The following TRIM67 variants were observed in gnomAD, a reference collection of about 807,000 sequenced individuals.
TRIM67 encodes tripartite motif containing 67.
A neutral mutation model predicts 71.0 loss-of-function variants in TRIM67; 39 were observed. The observed-to-expected ratio is 0.55, with a 90% confidence interval of 0.43 to 0.72. The LOEUF is 0.72. TRIM67 is among the 30% of genes least tolerant of loss of function. The pLI is 0.00. For missense variants in TRIM67, 973 were observed against 1,079.2 expected (o/e 0.90, Z 1.38); for synonymous variants, 481 against 473.9 (o/e 1.01, Z -0.19).
At chr1:231,203,394 C>T (rs928268362) in intron 5 of TRIM67, among the ~76,000 whole-genome samples, 1 of 152,252 alleles carries the variant, frequency 6.6e-6, no homozygotes, top group Non-Finnish European at 1.5e-5. Flanking sequence ...CCCTCACCTT[C>T]CCAGTTCCAG....
Position 231,216,440 on chromosome 1 carries a change from A to G in TRIM67, c.*1000A>G. 13 of 985,494 alleles carry G rather than the reference A, an allele frequency of 1.3e-5. No homozygotes were observed. The highest frequency in any genetic ancestry group is 1.6e-5 in the Non-Finnish European group (13 of 829,950). 61.0% of individuals were successfully genotyped at this position (985,494 alleles called of 1,614,324 possible). ...CCTTTCTGAAACTGGCAGCCCAAGA[A>G]GTTAACTGAAAATGCATCCAGATTG... On this transcript the variant is annotated 3_prime_UTR_variant, in exon 10 of 10. Transcript: ENST00000366653.
chr1:231,206,936 C>T (rs913821211), intron 7 of TRIM67, 146 bp downstream of exon 7: 57 of 807,920 alleles, frequency 7.1e-5, no homozygotes, highest in Non-Finnish European at 1.1e-5. Context: ...GCGTGCCCTT[C>T]TGGGACCACA....
intron 7 of TRIM67, 82 bp from the exon 8 acceptor site, chr1:231,208,865 G>A (rs934734702): frequency 6.6e-6 from 9 of 1,373,982 alleles, no homozygotes; most frequent in Non-Finnish European, 9.0e-6. Context: ...AGAAGCGAAT[G>A]TGTTTGTGTC....
At chr1:231,176,476 T>G (rs1379645987) in intron 1 of TRIM67, among the ~76,000 whole-genome samples, 1 of 152,160 alleles carries the variant, frequency 6.6e-6, no homozygotes, top group African/African-American at 2.4e-5. Flanking sequence ...GGTTCATTAT[T>G]CAGGAAAGAA....
chr1:231,178,713 T>C (rs149541350), intron 1 of TRIM67, among the ~76,000 whole-genome samples: 150 of 152,352 alleles, frequency 9.8e-4, no homozygotes, highest in South Asian at 2.1e-3. Context: ...GCTGATATAA[T>C]GGAAAGATGA....
intron 1 of TRIM67, among the ~76,000 whole-genome samples, chr1:231,191,529 C>G (rs1161785896): frequency 2.0e-5 from 3 of 152,140 alleles, no homozygotes. Context: ...AGGGGGAGAG[C>G]AGGGCAGGGC....
At chr1:231,175,145 AC>A (rs1277070635) in intron 1 of TRIM67, among the ~76,000 whole-genome samples, 15 of 152,234 alleles carry the variant, frequency 9.9e-5, no homozygotes, top group Admixed American at 7.9e-4. Flanking sequence ...ATGTCACCAC[AC>A]ACCATCAGGT....
intron 1 of TRIM67, among the ~76,000 whole-genome samples, chr1:231,195,759 G>C (rs1683352405): frequency 1.3e-5 from 2 of 152,146 alleles, no homozygotes; most frequent in African/African-American, 4.8e-5. Context: ...ACAGTCCAGG[G>C]GATCTCAAAC....
rs369940406 is a variant in TRIM67 at position 231,163,817 on chromosome 1, G to A, written c.848G>A (p.Ser283Asn). ...GAPSGGGGCK[S>N]PGGAGAGATG... ...CCCAGCGGAGGCGGCGGCTGCAAGAGCCCGGGAGGCGCGGGGGCGGGGGCG... is the reference window on the plus strand; with the variant it reads ...CCCAGCGGAGGCGGCGGCTGCAAGAACCCGGGAGGCGCGGGGGCGGGGGCG... The change falls in exon 1 of 10, where the codon AGC becomes AAC. Residue 283 changes from serine (S) to asparagine (N), a missense_variant. By Grantham distance (46) the Ser-to-Asn change is conservative. Coordinates refer to ENST00000366653, the MANE Select transcript of TRIM67 (RefSeq NM_001004342.5). The A allele has an allele frequency of 3.3e-6, 5 of 1,514,888 alleles. No homozygotes were observed. Among genetic ancestry groups the A allele is most frequent in the East Asian group, 5.3e-5 (2 of 37,530 alleles). 93.8% of individuals were successfully genotyped at this position (1,514,888 alleles called of 1,614,324 possible). A position where few individuals can be genotyped will look rare whatever the true frequency, so the allele number is the denominator to read the frequency against.
chr1:231,164,290 C>T (rs1351278353), intron 1 of TRIM67, among the ~76,000 whole-genome samples: 1 of 152,200 alleles, frequency 6.6e-6, no homozygotes, highest in Non-Finnish European at 1.5e-5. Flanking sequence ...AGGCACAGGG[C>T]ACCCAAAACG....
In TRIM67 at chr1:231,217,326, A is replaced by T. The variant is rs1178165869; in HGVS notation, c.*1886A>T. ...CTTGCCTCTTCCTTGTCATCTCACCAAGCGGTTTCTGGGTCTCCTCCTCCC... is the reference window on the plus strand; with the variant it reads ...CTTGCCTCTTCCTTGTCATCTCACCTAGCGGTTTCTGGGTCTCCTCCTCCC... On this transcript the variant is annotated 3_prime_UTR_variant, in exon 10 of 10. Transcript: ENST00000366653. The T allele has an allele frequency of 1.0e-6, 1 of 985,452 alleles. No individual in the cohort carries two copies. The highest frequency in any genetic ancestry group is 1.1e-4 in the East Asian group (1 of 8,778). The allele number at this position is 985,452 out of a possible 1,614,324, so 61.0% of individuals were successfully genotyped here.
At chr1:231,190,109 A>G (rs373616252) in intron 1 of TRIM67, among the ~76,000 whole-genome samples, 2 of 152,348 alleles carry the variant, frequency 1.3e-5, no homozygotes, top group South Asian at 2.1e-4. Flanking sequence ...CTAATGTCCC[A>G]TAGGAACCCA....
chr1:231,201,651 G>A, intron 5 of TRIM67, 134 bp downstream of exon 5: 3 of 1,128,346 alleles, frequency 2.7e-6, no homozygotes, highest in Non-Finnish European at 2.5e-6. Context: ...GAGCGCCAGA[G>A]TCACGGACCT....
chr1:231,177,554 C>T lies in TRIM67; in HGVS notation c.1044+13541C>T, dbSNP rs1682788336. Among the ~76,000 whole-genome samples, 3 of 152,304 alleles carry T rather than the reference C, an allele frequency of 2.0e-5. No individual in the cohort carries two copies. The South Asian group carries it at 6.2e-4, about 32-fold the overall frequency. On this transcript the variant is annotated intron_variant, in intron 1 of 9. Coordinates refer to ENST00000366653, the MANE Select transcript of TRIM67 (RefSeq NM_001004342.5). ...AGCTGATTACTCTCTGGTCTCTAGC[C>T]TTTCTTCACGGAAGTGAGACTTGCT...
chr1:231,203,974 A>C lies in TRIM67; in HGVS notation c.1642A>C (p.Ile548Leu). Reference protein sequence around the residue: ...PFTHSPVDGYILELDDGAGGQ... With the variant: ...PFTHSPVDGYLLELDDGAGGQ... ...CACCCACAGCCCCGTGGACGGCTAC[A>C]TCCTGGAGCTGGACGACGGTGCCGG... The change falls in exon 6 of 10, where the codon ATC becomes CTC. Residue 548 changes from isoleucine to leucine, a missense_variant. Physicochemically the swap from Ile to Leu is conservative, Grantham distance 5 (BLOSUM62 2). This residue lies in a region of TRIM67 where 795 missense variants were observed against 831.3 expected (regional missense o/e 0.96). Coordinates refer to ENST00000366653, the MANE Select transcript of TRIM67 (RefSeq NM_001004342.5). The C allele has an allele frequency of 6.2e-7, 1 of 1,614,020 alleles. No individual in the cohort carries two copies. Among genetic ancestry groups the C allele is most frequent in the Non-Finnish European group, 8.5e-7 (1 of 1,179,878 alleles).
Position 231,215,606 on chromosome 1 carries a change from A to G in TRIM67, c.*166A>G. ...ACACATTTTCTTGGGGACGCAGGGA[A>G]TGGGTCCACGGGCCATGCTCACAGC... On this transcript the variant is annotated 3_prime_UTR_variant, in exon 10 of 10. Transcript: ENST00000366653. 1 of 1,415,926 alleles carries G rather than the reference A, an allele frequency of 7.1e-7. No homozygotes were observed. The highest frequency in any genetic ancestry group is 9.2e-7 in the Non-Finnish European group (1 of 1,081,888). The allele number at this position is 1,415,926 out of a possible 1,614,324, so 87.7% of individuals were successfully genotyped here. A position where few individuals can be genotyped will look rare whatever the true frequency, so the allele number is the denominator to read the frequency against.
intron 1 of TRIM67, among the ~76,000 whole-genome samples, chr1:231,193,514 C>CTT (rs1402994178): frequency 1.4e-5 from 2 of 146,240 alleles, no homozygotes; most frequent in African/African-American, 5.1e-5. Context: ...CTCTCTCTCT[C>CTT]TCTCTCTCTC....
intron 8 of TRIM67, among the ~76,000 whole-genome samples, chr1:231,212,954 C>T (rs533785674): frequency 5.3e-5 from 8 of 152,244 alleles, no homozygotes; most frequent in East Asian, 1.9e-4. Flanking sequence ...ATAATGACTG[C>T]GACAGAGGAC....
rs575917531 is a variant in TRIM67 at position 231,212,545 on chromosome 1, G to T, written c.2124-1270G>T. ...TGAGAAGCAAGGCTAGGTGATTAAA[G>T]AGACAAGCAGGACAAAATTCAAAGT... is the stretch of plus-strand genomic sequence containing the variant. On this transcript the variant is annotated intron_variant, in intron 8 of 9. Coordinates refer to ENST00000366653, the MANE Select transcript of TRIM67 (RefSeq NM_001004342.5). Among the ~76,000 whole-genome samples, 3 of 152,306 alleles carry T rather than the reference G, an allele frequency of 2.0e-5. No homozygotes were observed. In the East Asian group the frequency reaches 5.8e-4, roughly 29 times the overall value.
Sources: allele counts gnomAD v4.1 joint callset (sites outside exome capture counted in the v4.1 genomes callset), GRCh38; gene constraint gnomAD v4.1.1; regional missense constraint gnomAD v4.1.1; transcripts MANE v1.5; gene names NCBI Gene and HGNC (gene_info 2026-07-23, HGNC 2026-07-21).